The following VEPH1 variants were observed in gnomAD, a reference collection of about 807,000 sequenced individuals.
The protein encoded by VEPH1 is ventricular zone-expressed PH domain-containing protein homolog 1.
Under a neutral mutation model 85.2 loss-of-function variants are expected in VEPH1, and 80 were observed. The observed-to-expected ratio is 0.94, with a 90% CI of 0.78 to 1.13. The LOEUF (loss-of-function observed/expected upper bound fraction) is 1.13. Among genes scored for constraint, VEPH1 ranks in the 50% most tolerant of loss-of-function variants. VEPH1 has a pLI of 0.00. For missense variants in VEPH1, 955 were observed against 980.5 expected (o/e 0.97, Z 0.35); for synonymous variants, 297 against 348.0 (o/e 0.85, Z 1.63).
intron 2 of VEPH1, among the ~76,000 whole-genome samples, chr3:157,474,854 T>G (rs1427366698): frequency 6.6e-6 from 1 of 152,236 alleles, no homozygotes; most frequent in Non-Finnish European, 1.5e-5. Flanking sequence ...TATATTAGGT[T>G]TGAATATGTG....
intron 2 of VEPH1, among the ~76,000 whole-genome samples, chr3:157,472,045 C>CA (rs1438670742): frequency 2.0e-5 from 3 of 152,170 alleles, no homozygotes; most frequent in African/African-American, 7.2e-5. Flanking sequence ...CGTCCCAGTC[C>CA]CCTTCCTCAG....
At chr3:157,363,202 G>GAAAAAA (rs34308512) in intron 9 of VEPH1, 162 bp downstream of exon 9, 4 of 466,748 alleles carry the variant, frequency 8.6e-6, no homozygotes, top group Non-Finnish European at 1.3e-5. Flanking sequence ...CTTTTCTTGG[G>GAAAAAA]AAAAAAAAAA....
At chr3:157,353,023 C>G (rs1019857623) in intron 9 of VEPH1, among the ~76,000 whole-genome samples, 2 of 152,070 alleles carry the variant, frequency 1.3e-5, no homozygotes, top group Non-Finnish European at 2.9e-5. Context: ...GAAGTGGTGA[C>G]CAATGAGATG....
Position 157,436,277 on chromosome 3 carries a change from C to CAA in VEPH1, c.530-7791_530-7790dup, listed in dbSNP as rs11452239. On this transcript the variant is annotated intron_variant, in intron 4 of 13. Coordinates refer to ENST00000362010, the MANE Select transcript of VEPH1 (RefSeq NM_001167912.2). Reference sequence around the variant, plus strand: ...GGGCAACAAGAGCGAAATTCAGTCTCAAAAAAAAAAATTATCTATAAAAGT... The same window carrying CAA: ...GGGCAACAAGAGCGAAATTCAGTCTCAAAAAAAAAAAAATTATCTATAAAAGT... Among the ~76,000 whole-genome samples, 91 of 147,608 alleles carry CAA rather than the reference C, an allele frequency of 6.2e-4. 2 individuals are homozygous for CAA. The South Asian group carries it at 6.7e-3, about 11-fold the overall frequency.
intron 11 of VEPH1, among the ~76,000 whole-genome samples, chr3:157,295,721 G>A (rs1337956980): frequency 2.0e-5 from 3 of 152,196 alleles, no homozygotes; most frequent in Admixed American, 2.0e-4. Context: ...TTGGGAGGCT[G>A]AGGCAGGCGG....
chr3:157,350,845 G>A (rs1724787076), intron 9 of VEPH1, among the ~76,000 whole-genome samples: 1 of 152,128 alleles, frequency 6.6e-6, no homozygotes, highest in Non-Finnish European at 1.5e-5. Flanking sequence ...CAGTTACAGT[G>A]GCTATTATCA....
chr3:157,382,169 T>C (rs888864867), intron 6 of VEPH1, among the ~76,000 whole-genome samples: 4 of 152,242 alleles, frequency 2.6e-5, no homozygotes, highest in African/African-American at 9.6e-5. Flanking sequence ...TTTAAGCATC[T>C]TTCAGTGTAT....
intron 9 of VEPH1, among the ~76,000 whole-genome samples, chr3:157,344,948 T>C (rs1724034800): frequency 6.6e-6 from 1 of 152,160 alleles, no homozygotes; most frequent in Non-Finnish European, 1.5e-5. Flanking sequence ...ATTTAATAAA[T>C]GGTGCTGGGA....
intron 4 of VEPH1, among the ~76,000 whole-genome samples, chr3:157,455,145 T>G (rs962433497): frequency 2.0e-5 from 3 of 152,188 alleles, no homozygotes; most frequent in Non-Finnish European, 4.4e-5. Flanking sequence ...ATAGTTCTAT[T>G]TTAACTTCTT....
At chr3:157,495,086 A>T in intron 2 of VEPH1, 126 bp downstream of exon 2, 3 of 986,144 alleles carry the variant, frequency 3.0e-6, no homozygotes, top group Non-Finnish European at 4.4e-6. Flanking sequence ...AGAGCAGATT[A>T]AGAGAGACCA....
intron 4 of VEPH1, among the ~76,000 whole-genome samples, chr3:157,451,906 G>A (rs1465199564): frequency 1.3e-5 from 2 of 152,160 alleles, no homozygotes; most frequent in Non-Finnish European, 2.9e-5. Context: ...AGCAATGGGT[G>A]AATCTCATGA....
chr3:157,350,153 A>ATGT (rs1724706621), intron 9 of VEPH1, among the ~76,000 whole-genome samples: 2 of 152,220 alleles, frequency 1.3e-5, no homozygotes, highest in African/African-American at 4.8e-5. Flanking sequence ...ACAACATGGT[A>ATGT]CTGTCATAGA....
intron 3 of VEPH1, among the ~76,000 whole-genome samples, chr3:157,467,017 G>A (rs567550273): frequency 2.0e-5 from 3 of 152,082 alleles, no homozygotes; most frequent in Non-Finnish European, 4.4e-5. Flanking sequence ...AAGAAAAGAA[G>A]TATAATTACC....
chr3:157,331,575 C>A (rs1212793225), intron 9 of VEPH1, among the ~76,000 whole-genome samples: 1 of 152,174 alleles, frequency 6.6e-6, no homozygotes, highest in Admixed American at 6.5e-5. Context: ...CTTCTTCCAA[C>A]AGAAGATGAC....
chr3:157,304,509 GATA>G (rs1470851543), intron 11 of VEPH1, among the ~76,000 whole-genome samples: 1 of 152,060 alleles, frequency 6.6e-6, no homozygotes, highest in Non-Finnish European at 1.5e-5. Flanking sequence ...CTGGTCCTCT[GATA>G]ATCAGAGTGC....
intron 11 of VEPH1, among the ~76,000 whole-genome samples, chr3:157,304,018 A>ATATT (rs532665282): frequency 2.3e-4 from 15 of 64,878 alleles, no homozygotes; most frequent in African/African-American, 5.3e-4. Context: ...CTCATCTTAT[A>ATATT]TTTTTTATAT....
At chr3:157,502,858 C>T (rs985724038) in intron 1 of VEPH1, among the ~76,000 whole-genome samples, 8 of 152,236 alleles carry the variant, frequency 5.3e-5, no homozygotes, top group South Asian at 4.1e-4. Flanking sequence ...TGTAATGATG[C>T]TATAATATTT....
intron 4 of VEPH1, among the ~76,000 whole-genome samples, chr3:157,434,786 G>T (rs1733420438): frequency 1.3e-5 from 2 of 151,450 alleles, no homozygotes; most frequent in Admixed American, 6.6e-5. Flanking sequence ...CATAGATCAA[G>T]TCTTTCTTTA....
intron 4 of VEPH1, among the ~76,000 whole-genome samples, chr3:157,448,044 A>G (rs567744085): frequency 1.3e-5 from 2 of 152,214 alleles, no homozygotes; most frequent in South Asian, 2.1e-4. Flanking sequence ...TGTACAAAAC[A>G]TAGATATTTT....
Sources: gnomAD v4.1 joint callset for allele counts (sites outside exome capture counted in the v4.1 genomes callset) on GRCh38, gnomAD v4.1.1 for gene constraint, MANE v1.5 for transcripts, NCBI Gene and HGNC (gene_info 2026-07-23, HGNC 2026-07-21) for gene names.